Variants in M1AP observed in about 807,000 individuals in gnomAD.
The protein encoded by M1AP is meiosis 1 arrest protein.
Under a neutral mutation model 51.2 loss-of-function variants are expected in M1AP, and 39 were observed. The observed-to-expected ratio is 0.76, with a 90% CI of 0.59 to 1.00. The LOEUF (loss-of-function observed/expected upper bound fraction) is 1.00. Ranked by LOEUF, M1AP falls within the 50% of genes least tolerant of loss-of-function variation. M1AP has a pLI of 0.00. For missense variants in M1AP, 545 were observed against 641.2 expected, an observed-to-expected ratio of 0.85 and a Z score of 1.62; for synonymous variants, 251 against 249.2, an observed-to-expected ratio of 1.01 and a Z score of -0.07.
chr2:74,635,045 A>T (rs1426680201), intron 2 of M1AP, among the ~76,000 whole-genome samples: 2 of 152,076 alleles, frequency 1.3e-5, no homozygotes, highest in Non-Finnish European at 2.9e-5. Context: ...TCTGAAAGAG[A>T]TTATGTAGAA....
chr2:74,575,404 T>C, intron 7 of M1AP, 34 bp downstream of exon 7: 2 of 1,612,830 alleles, frequency 1.2e-6, no homozygotes, highest in Middle Eastern at 1.7e-4. Context: ...TTAAAAACGA[T>C]TCTTCTTTTT....
intron 2 of M1AP, among the ~76,000 whole-genome samples, chr2:74,638,881 C>A (rs1683132285): frequency 6.6e-6 from 1 of 152,160 alleles, no homozygotes; most frequent in Admixed American, 6.5e-5. Flanking sequence ...ATTTGTTACA[C>A]AGCAATAAAC....
intron 2 of M1AP, among the ~76,000 whole-genome samples, chr2:74,637,491 T>C (rs998277548): frequency 6.6e-6 from 1 of 152,246 alleles, no homozygotes; most frequent in Non-Finnish European, 1.5e-5. Flanking sequence ...TGATTGAATG[T>C]CAGACAGTAT....
chr2:74,587,192 CTT>C (rs755884874), intron 4 of M1AP, among the ~76,000 whole-genome samples: 1 of 145,200 alleles, frequency 6.9e-6, no homozygotes, highest in African/African-American at 2.5e-5. Context: ...ATATATTTTC[CTT>C]TTTTTTTTTT....
At chr2:74,569,710 C>G (rs1249087531) in intron 7 of M1AP, among the ~76,000 whole-genome samples, 2 of 152,048 alleles carry the variant, frequency 1.3e-5, no homozygotes, top group Non-Finnish European at 2.9e-5. Flanking sequence ...AAAGGAGAAG[C>G]CTTATCAGCT....
intron 2 of M1AP, among the ~76,000 whole-genome samples, chr2:74,630,187 T>C (rs1287094563): frequency 6.6e-6 from 1 of 152,156 alleles, no homozygotes; most frequent in East Asian, 1.9e-4. Flanking sequence ...TCCTCCTTCC[T>C]TGGTCTCCCA....
intron 2 of M1AP, among the ~76,000 whole-genome samples, chr2:74,621,300 CA>C (rs1028239928): frequency 6.6e-6 from 1 of 150,404 alleles, no homozygotes; most frequent in Non-Finnish European, 1.5e-5. Flanking sequence ...CCCCAAAAAA[CA>C]AAAAAGCACC....
chr2:74,641,096 CT>C (rs1683272917), intron 1 of M1AP, among the ~76,000 whole-genome samples: 1 of 152,100 alleles, frequency 6.6e-6, no homozygotes, highest in Admixed American at 6.5e-5. Flanking sequence ...TACATTTCTC[CT>C]TGGTTAAAAT....
At chr2:74,620,111 T>A (rs1681916449) in intron 2 of M1AP, among the ~76,000 whole-genome samples, 1 of 152,252 alleles carries the variant, frequency 6.6e-6, no homozygotes, top group African/African-American at 2.4e-5. Flanking sequence ...GTTAAGTTTC[T>A]GTTTCTTATT....
chr2:74,637,225 T>A (rs1361154300), intron 2 of M1AP, among the ~76,000 whole-genome samples: 1 of 152,230 alleles, frequency 6.6e-6, no homozygotes, highest in Non-Finnish European at 1.5e-5. Context: ...ATGTCTAATC[T>A]GCCAATAATT....
At chr2:74,570,788 T>C (rs1678687806) in intron 7 of M1AP, among the ~76,000 whole-genome samples, 1 of 152,164 alleles carries the variant, frequency 6.6e-6, no homozygotes, top group South Asian at 2.1e-4. Context: ...GGCTAAGGAA[T>C]ATGGACTTTA....
chr2:74,615,084 T>C lies in M1AP; in HGVS notation c.306A>G (p.Glu102=). 1 of 1,614,214 alleles carries C rather than the reference T, an allele frequency of 6.2e-7. No homozygotes were observed. Among genetic ancestry groups the C allele is most frequent in the Non-Finnish European group, 8.5e-7 (1 of 1,180,030 alleles). Residue 102 remains glutamate, a synonymous_variant, in exon 3 of 11, where the codon GAA becomes GAG. Coordinates refer to ENST00000421985, the MANE Select transcript of M1AP (RefSeq NM_001321739.2). ...AAGCACCTTGTGATCTGAAACACCC[T>C]TCTCTCTGTAACATGCGGAGTTCTG... ...CISELRMLQR[E]GCFRSQGASL...
rs570330906 is a variant in M1AP at position 74,621,578 on chromosome 2, G to A, written c.241-6429C>T. On this transcript the variant is annotated intron_variant, in intron 2 of 10. Coordinates refer to ENST00000421985, the MANE Select transcript of M1AP (RefSeq NM_001321739.2). ...AGGTGGGCGGATCATGAGGTCAGGA[G>A]ATCGAGACCATCCTGGCTAACAAGG... Among the ~76,000 whole-genome samples, 4 of 151,938 alleles carry A rather than the reference G, an allele frequency of 2.6e-5. No homozygotes were observed. In the South Asian group the frequency reaches 6.3e-4, roughly 24 times the overall value.
At chr2:74,613,217 A>G (rs1681472204) in intron 3 of M1AP, among the ~76,000 whole-genome samples, 1 of 152,146 alleles carries the variant, frequency 6.6e-6, no homozygotes, top group African/African-American at 2.4e-5. Context: ...AGCCCTTAGC[A>G]TATTAATCAT....
Position 74,610,434 on chromosome 2 carries a change from G to A in M1AP, c.427-3211C>T, listed in dbSNP as rs567032475. 2.0e-5 allele frequency among the ~76,000 whole-genome samples: 3 copies of A among 151,964 alleles called. No individual in the cohort carries two copies. The East Asian group carries it at 5.9e-4, about 30-fold the overall frequency. On this transcript the variant is annotated intron_variant, in intron 3 of 10. Coordinates refer to ENST00000421985, the MANE Select transcript of M1AP (RefSeq NM_001321739.2). ...TCTTATTAAAAAAAATCCTTGCCCA[G>A]ACCAATGTCACAAATTGTTTCCCTC...
At chr2:74,598,326 G>A (rs1053353318) in intron 4 of M1AP, among the ~76,000 whole-genome samples, 1 of 152,056 alleles carries the variant, frequency 6.6e-6, no homozygotes, top group East Asian at 1.9e-4. Context: ...AGGTTGTGGT[G>A]AGCCGAGACT....
chr2:74,634,817 CAATTTTGCATCCCTG>C (rs1326537796), intron 2 of M1AP, among the ~76,000 whole-genome samples: 1 of 152,052 alleles, frequency 6.6e-6, no homozygotes, highest in Non-Finnish European at 1.5e-5. Flanking sequence ...AATATTGAAC[CAATTTTGCATCCCTG>C]AAATAAGTTC....
chr2:74,560,381 G>C, intron 8 of M1AP, 90 bp from the exon 9 acceptor site: 1 of 1,371,200 alleles, frequency 7.3e-7, no homozygotes, highest in South Asian at 1.4e-5. Context: ...TGAGGGGCTG[G>C]AGGAAGTGTG....
Position 74,615,057 on chromosome 2 carries a change from A to G in M1AP, c.333T>C (p.Ser111=), listed in dbSNP as rs1681584532. The change falls in exon 3 of 11, where the codon TCT becomes TCC. Residue 111 remains serine (S), a synonymous_variant. Transcript: ENST00000421985. The stretch of plus-strand genomic sequence containing the variant: ...GCCCATCCTCTACTGCCAGCCGCAG[A>G]GAAGCACCTTGTGATCTGAAACACC... The part of the protein sequence containing the change: ...REGCFRSQGA[S]LRLAVEDGLQ... The G allele has an allele frequency of 6.2e-7, 1 of 1,614,070 alleles. No individual in the cohort carries two copies. Among genetic ancestry groups the G allele is most frequent in the African/African-American group, 1.3e-5 (1 of 74,922 alleles).
Sources: gnomAD v4.1 joint callset for allele counts (sites outside exome capture counted in the v4.1 genomes callset) on GRCh38, gnomAD v4.1.1 for gene constraint, MANE v1.5 for transcripts, NCBI Gene and HGNC (gene_info 2026-07-23, HGNC 2026-07-21) for gene names.